PMFBP1: variants seen among roughly 807,000 people sequenced by gnomAD.
The protein encoded by PMFBP1 is polyamine modulated factor 1 binding protein 1.
A neutral mutation model predicts 137.8 loss-of-function variants in PMFBP1; 131 were observed. The ratio of observed to expected loss-of-function variants is 0.95; its 90% CI spans 0.82 to 1.10. The LOEUF (loss-of-function observed/expected upper bound fraction) is 1.10, where lower values mean the gene tolerates loss of function less well. Ranked by LOEUF, PMFBP1 falls within the 50% of genes least tolerant of loss-of-function variation. PMFBP1 has a pLI of 0.00. For missense variants in PMFBP1, 1,199 were observed against 1,175.4 expected, an observed-to-expected ratio of 1.02 and a Z score of -0.29; for synonymous variants, 490 against 450.4, an observed-to-expected ratio of 1.09 and a Z score of -1.11.
At chr16:72,174,285 T>C (rs373545923), upstream of PMFBP1, among the ~76,000 whole-genome samples, 2 of 152,310 alleles carry the variant, frequency 1.3e-5, no homozygotes, top group African/African-American at 4.8e-5. Flanking sequence ...TTTAGCCCCA[T>C]TTTCACCAAA....
chr16:72,173,109 C>A (rs1043520894), upstream of PMFBP1, among the ~76,000 whole-genome samples: 1 of 152,188 alleles, frequency 6.6e-6, no homozygotes, highest in Non-Finnish European at 1.5e-5. Flanking sequence ...GGAGGAGTGG[C>A]CTTTGCAAAG....
chr16:72,176,671 C>G (rs955435092), upstream of PMFBP1, among the ~76,000 whole-genome samples: 1 of 152,178 alleles, frequency 6.6e-6, no homozygotes, highest in African/African-American at 2.4e-5. Context: ...TCATTGCCAG[C>G]CCTGGATAGA....
rs138865821 is a variant in PMFBP1 at position 72,137,293 on chromosome 16, A to G, written c.919-474T>C. Among the ~76,000 whole-genome samples the G allele has an allele frequency of 5.7e-4, 87 of 152,290 alleles. 1 individual carries two copies. Among genetic ancestry groups the G allele is most frequent in the African/African-American group, 1.9e-3 (77 of 41,556 alleles). On this transcript the variant is annotated intron_variant, in intron 7 of 20. Coordinates refer to ENST00000237353, the MANE Select transcript of PMFBP1 (RefSeq NM_031293.3). ...GGCTCCATTAATATTTTCAAAGCAA[A>G]TAATGTGGAGCAAAAGACACAGACA...
chr16:72,126,408 C>T (rs2042459825), intron 14 of PMFBP1, among the ~76,000 whole-genome samples: 1 of 152,186 alleles, frequency 6.6e-6, no homozygotes, highest in African/African-American at 2.4e-5. Flanking sequence ...GCCAAGTACA[C>T]AAAAAAGTCC....
the PMFBP1 span, among the ~76,000 whole-genome samples, chr16:72,185,472 C>T: frequency 6.6e-6 from 1 of 152,048 alleles, no homozygotes; most frequent in Non-Finnish European, 1.5e-5. Flanking sequence ...CATTTCTCTC[C>T]TCCCATCATC....
At chr16:72,124,323 T>C (rs1315715453) in intron 17 of PMFBP1, among the ~76,000 whole-genome samples, 1 of 152,240 alleles carries the variant, frequency 6.6e-6, no homozygotes, top group Admixed American at 6.5e-5. Context: ...AGATGCCTTC[T>C]TTGTAATTCG....
the PMFBP1 span, among the ~76,000 whole-genome samples, chr16:72,241,869 T>A: frequency 6.6e-6 from 1 of 152,210 alleles, no homozygotes; most frequent in Admixed American, 6.5e-5. Context: ...CTCCAGTCTG[T>A]TTTAACTAAG....
chr16:72,207,555 AGAG>A, the PMFBP1 span, among the ~76,000 whole-genome samples: 2 of 152,114 alleles, frequency 1.3e-5, no homozygotes, highest in African/African-American at 4.8e-5. Context: ...ATTGAGAATT[AGAG>A]GAGGTTGTGA....
the PMFBP1 span, among the ~76,000 whole-genome samples, chr16:72,182,553 T>C: frequency 0.042 from 6,189 of 148,336 alleles, 397 homozygotes; most frequent in African/African-American, 0.15. Context: ...AATGTCTCTC[T>C]CAGTGATTAT....
Position 72,150,794 on chromosome 16 carries a change from G to C in PMFBP1, c.450C>G (p.Asn150Lys), listed in dbSNP as rs369630447. 2 of 1,614,040 alleles carry C rather than the reference G, an allele frequency of 1.2e-6. No individual in the cohort carries two copies. Among genetic ancestry groups the C allele is most frequent in the Non-Finnish European group, 8.5e-7 (1 of 1,180,012 alleles). Reference sequence around the variant, plus strand: ...AATGGAGCTTCTCCCCTGTGTTCTCGTTGTGATTTCCCATTTCCTCCTCAT... The same window carrying C: ...AATGGAGCTTCTCCCCTGTGTTCTCCTTGTGATTTCCCATTTCCTCCTCAT... ...ILYEEEMGNH[N>K]ENTGEKLHLA... The change falls in exon 5 of 21, where the codon AAC becomes AAG. Residue 150 changes from asparagine to lysine, a missense_variant. Physicochemically the swap from Asn to Lys is moderately conservative, Grantham distance 94 (BLOSUM62 0). Transcript: ENST00000237353.
At chr16:72,176,398 T>A (rs2043259639), upstream of PMFBP1, among the ~76,000 whole-genome samples, 1 of 152,242 alleles carries the variant, frequency 6.6e-6, no homozygotes, top group African/African-American at 2.4e-5. Flanking sequence ...TAGTAACAGA[T>A]GCTCATTTTA....
At chr16:72,154,114 G>A in intron 4 of PMFBP1, 97 bp downstream of exon 4, 1 of 1,471,614 alleles carries the variant, frequency 6.8e-7, no homozygotes, top group South Asian at 1.3e-5. Flanking sequence ...ATGTTGCAAA[G>A]CTCTCCTAAG....
intron 3 of PMFBP1, among the ~76,000 whole-genome samples, chr16:72,164,115 T>G (rs914292280): frequency 6.6e-6 from 1 of 151,726 alleles, no homozygotes; most frequent in Non-Finnish European, 1.5e-5. Context: ...TGTGAGCAAC[T>G]GGGCTCAGGT....
At chr16:72,154,144 T>C (rs1287761603) in intron 4 of PMFBP1, 67 bp downstream of exon 4, 4 of 1,570,240 alleles carry the variant, frequency 2.5e-6, no homozygotes, top group South Asian at 1.2e-5. Flanking sequence ...TGCTTTCTAG[T>C]GGGCTTGGTC....
the PMFBP1 span, among the ~76,000 whole-genome samples, chr16:72,181,950 G>A: frequency 6.6e-6 from 1 of 152,160 alleles, no homozygotes; most frequent in Non-Finnish European, 1.5e-5. Flanking sequence ...ATACACTAAC[G>A]ATAGCTGATG....
At chr16:72,221,048 G>C in the PMFBP1 span, among the ~76,000 whole-genome samples, 4 of 152,246 alleles carry the variant, frequency 2.6e-5, no homozygotes, top group East Asian at 7.7e-4. Flanking sequence ...TGGGGAAGGA[G>C]AGCAGGGGTA....
chr16:72,226,346 T>C, the PMFBP1 span, among the ~76,000 whole-genome samples: 9 of 152,206 alleles, frequency 5.9e-5, no homozygotes, highest in Non-Finnish European at 7.3e-5. Flanking sequence ...CTTAAGCTAA[T>C]GTGCAGGTAG....
At chr16:72,200,120 A>T in the PMFBP1 span, among the ~76,000 whole-genome samples, 1 of 152,186 alleles carries the variant, frequency 6.6e-6, no homozygotes, top group Non-Finnish European at 1.5e-5. Flanking sequence ...GGAGCCTCTG[A>T]GGGGCCTTTG....
chr16:72,117,482 T>G (rs1474464688), downstream of PMFBP1, among the ~76,000 whole-genome samples: 1 of 152,156 alleles, frequency 6.6e-6, no homozygotes, highest in Non-Finnish European at 1.5e-5. Flanking sequence ...ACTTCTTCCT[T>G]TCCAGTTTGA....
Sources: gnomAD v4.1 joint callset for allele counts (sites outside exome capture counted in the v4.1 genomes callset) on GRCh38, gnomAD v4.1.1 for gene constraint, MANE v1.5 for transcripts, NCBI Gene and HGNC (gene_info 2026-07-23, HGNC 2026-07-21) for gene names.